Variants in TENM3 observed in about 807,000 individuals in gnomAD.
TENM3 encodes teneurin transmembrane protein 3.
In TENM3, 63 loss-of-function variants were observed where a neutral mutation model predicts 255.1. The observed-to-expected ratio is 0.25, with a 90% CI of 0.20 to 0.30. The LOEUF is 0.30. Ranked by LOEUF, TENM3 falls within the 10% of genes least tolerant of loss-of-function variation. TENM3 has a pLI of 1.00. For missense variants in TENM3, 2,929 were observed against 3,461.1 expected (o/e 0.85, Z 3.86); for synonymous variants, 1,306 against 1,322.3 (o/e 0.99, Z 0.27).
At chr4:181,899,123 G>GT in the TENM3 span, among the ~76,000 whole-genome samples, 3 of 151,420 alleles carry the variant, frequency 2.0e-5, no homozygotes, top group African/African-American at 7.3e-5. Flanking sequence ...TTGGGCTAAT[G>GT]TTTTTTTTCC....
chr4:182,612,722 A>G (rs1749133769), intron 4 of TENM3, among the ~76,000 whole-genome samples: 1 of 147,002 alleles, frequency 6.8e-6, no homozygotes, highest in African/African-American at 2.5e-5. Context: ...CTCTTCTTTA[A>G]AAGCAGATTT....
At chr4:182,202,456 C>T (rs1336520379) in intron 1 of TENM3, among the ~76,000 whole-genome samples, 2 of 152,038 alleles carry the variant, frequency 1.3e-5, no homozygotes, top group Non-Finnish European at 2.9e-5. Flanking sequence ...CAGGCATGCA[C>T]CACCACACCC....
At chr4:181,892,106 A>G in the TENM3 span, among the ~76,000 whole-genome samples, 1 of 152,168 alleles carries the variant, frequency 6.6e-6, no homozygotes, top group African/African-American at 2.4e-5. Context: ...TGAAAAATAA[A>G]TTTCTATTCT....
the TENM3 span, among the ~76,000 whole-genome samples, chr4:182,134,451 C>A: frequency 6.6e-6 from 1 of 152,174 alleles, no homozygotes; most frequent in Non-Finnish European, 1.5e-5. Flanking sequence ...TCTCTCACTG[C>A]CAATTTCCTC....
chr4:181,535,410 C>A, the TENM3 span, among the ~76,000 whole-genome samples: 1 of 152,204 alleles, frequency 6.6e-6, no homozygotes, highest in African/African-American at 2.4e-5. Context: ...AAAGGCCAAT[C>A]AGCATCATGG....
chr4:182,220,359 A>G (rs1755773203), intron 1 of TENM3, among the ~76,000 whole-genome samples: 1 of 129,502 alleles, frequency 7.7e-6, no homozygotes, highest in African/African-American at 2.9e-5. Flanking sequence ...CCTGGGCGAC[A>G]GAGTGAGACT....
intron 1 of TENM3, among the ~76,000 whole-genome samples, chr4:182,292,136 G>A (rs1195129664): frequency 6.6e-6 from 1 of 152,092 alleles, no homozygotes; most frequent in Non-Finnish European, 1.5e-5. Context: ...ATTTGGCACT[G>A]CTATATTTCT....
At chr4:182,618,064 A>G (rs183163915) in intron 4 of TENM3, among the ~76,000 whole-genome samples, 1 of 152,218 alleles carries the variant, frequency 6.6e-6, no homozygotes, top group Non-Finnish European at 1.5e-5. Flanking sequence ...TTTTAACACT[A>G]TATAAAACAT....
chr4:182,112,017 G>A, the TENM3 span, among the ~76,000 whole-genome samples: 42 of 152,166 alleles, frequency 2.8e-4, 1 homozygote, highest in South Asian at 7.5e-3. Context: ...TGGCTGGAAA[G>A]GGTGGCTCAC....
the TENM3 span, among the ~76,000 whole-genome samples, chr4:181,878,005 G>A: frequency 1.3e-3 from 196 of 152,222 alleles, no homozygotes; most frequent in African/African-American, 4.2e-3. Flanking sequence ...TGCACATTGC[G>A]GTGTTACTAA....
chr4:181,830,811 C>T, the TENM3 span, among the ~76,000 whole-genome samples: 1 of 152,144 alleles, frequency 6.6e-6, no homozygotes, highest in Non-Finnish European at 1.5e-5. Flanking sequence ...CCAGCTTGAT[C>T]CCGTCACCAA....
chr4:182,602,900 A>G (rs1748038177), intron 4 of TENM3, among the ~76,000 whole-genome samples: 1 of 152,246 alleles, frequency 6.6e-6, no homozygotes, highest in South Asian at 2.1e-4. Context: ...GTAGTTGACA[A>G]TAATTGTTTT....
chr4:181,837,239 A>G, the TENM3 span, among the ~76,000 whole-genome samples: 1 of 152,054 alleles, frequency 6.6e-6, no homozygotes, highest in Admixed American at 6.5e-5. Flanking sequence ...CAGACTGTCT[A>G]TGGTCTCTAA....
the TENM3 span, among the ~76,000 whole-genome samples, chr4:181,546,327 A>G: frequency 6.6e-6 from 1 of 152,200 alleles, no homozygotes; most frequent in Non-Finnish European, 1.5e-5. Flanking sequence ...GTACAACTGC[A>G]CACCATCATT....
chr4:181,835,080 C>T, the TENM3 span: 1 of 152,164 alleles, frequency 6.6e-6, no homozygotes, highest in Admixed American at 6.5e-5. Context: ...CGTGGGGTGG[C>T]TTGTCAAAGC....
At chr4:181,550,044 A>G in the TENM3 span, among the ~76,000 whole-genome samples, 1 of 152,208 alleles carries the variant, frequency 6.6e-6, no homozygotes, top group East Asian at 1.9e-4. Context: ...TGATTTTCCA[A>G]TAAAGTGTTA....
At chr4:181,681,022 T>C in the TENM3 span, among the ~76,000 whole-genome samples, 1 of 152,218 alleles carries the variant, frequency 6.6e-6, no homozygotes, top group East Asian at 1.9e-4. Context: ...CATAGGAAAC[T>C]GTATATGTGG....
chr4:181,769,300 A>C, the TENM3 span, among the ~76,000 whole-genome samples: 4 of 152,238 alleles, frequency 2.6e-5, no homozygotes, highest in African/African-American at 9.6e-5. Context: ...TCTGAGCTTC[A>C]GCTTCCGCAT....
In TENM3 at chr4:182,800,376, G is replaced by C. The variant is rs745381677; in HGVS notation, c.*25G>C. On this transcript the variant is annotated 3_prime_UTR_variant, in exon 28 of 28. Transcript: ENST00000511685. The stretch of plus-strand genomic sequence containing the variant: ...ACGCCCGGGCCGCGCCCGCCGAGCC[G>C]CTCACGCCCTGCCCACATTGTCCTG... 35 of 1,537,730 alleles carry C rather than the reference G, an allele frequency of 2.3e-5. No homozygotes were observed. Among genetic ancestry groups the C allele is most frequent in the Non-Finnish European group, 2.9e-5 (33 of 1,150,044 alleles).
Sources: allele counts gnomAD v4.1 joint callset (sites outside exome capture counted in the v4.1 genomes callset), GRCh38; gene constraint gnomAD v4.1.1; transcripts MANE v1.5; gene names NCBI Gene and HGNC (gene_info 2026-07-23, HGNC 2026-07-21).